DENND1B: variants seen among roughly 807,000 people sequenced by gnomAD.
DENND1B encodes the protein DENN domain containing 1B.
A neutral mutation model predicts 90.1 loss-of-function variants in DENND1B; 59 were observed. That is an observed-to-expected ratio of 0.65 (90% confidence interval 0.53 to 0.81). The LOEUF (loss-of-function observed/expected upper bound fraction) is 0.81, where lower values mean the gene tolerates loss of function less well. Among genes scored for constraint, DENND1B ranks in the 40% least tolerant of loss-of-function variants. The pLI is 0.00. For synonymous variants in DENND1B, 337 were observed against 324.6 expected (o/e 1.04, Z -0.41); for missense variants, 862 against 912.6 (o/e 0.94, Z 0.71).
At chr1:197,673,522 C>T (rs528425768) in intron 4 of DENND1B, among the ~76,000 whole-genome samples, 46 of 152,142 alleles carry the variant, frequency 3.0e-4, no homozygotes, top group African/African-American at 9.4e-4. Context: ...AAACAATAAA[C>T]GATCTGTTGT....
rs1667849671 is a variant in DENND1B, at chr1:197,508,880, A to C, written c.*1580T>G. The C allele has an allele frequency of 6.6e-6, 1 of 151,732 alleles. No individual in the cohort carries two copies. The highest frequency in any genetic ancestry group is 2.4e-5 in the African/African-American group (1 of 41,356). The allele number at this position is 151,732 out of a possible 1,614,324, so 9.4% of individuals were successfully genotyped here. A position where few individuals can be genotyped will look rare whatever the true frequency, so the allele number is the denominator to read the frequency against. ...CTTCTCAGATGAATTCCAAAGCTCA[A>C]CAGTGAATTTGAGAAAGAAGAAACA... On this transcript the variant is annotated 3_prime_UTR_variant, in exon 23 of 23. Transcript: ENST00000620048.
At chr1:197,772,775 T>A in intron 2 of DENND1B, 93 bp downstream of exon 2, 1 of 1,121,188 alleles carries the variant, frequency 8.9e-7, no homozygotes, top group Non-Finnish European at 1.3e-6. Context: ...TGGTGAGCCC[T>A]GATCATGCCA....
intron 15 of DENND1B, among the ~76,000 whole-genome samples, chr1:197,559,524 C>T (rs1027438181): frequency 1.3e-5 from 2 of 151,882 alleles, no homozygotes; most frequent in Non-Finnish European, 2.9e-5. Context: ...ATTTATCTCA[C>T]ATTAGAAACC....
intron 2 of DENND1B, among the ~76,000 whole-genome samples, chr1:197,739,453 C>T (rs1046575436): frequency 4.6e-5 from 7 of 152,170 alleles, no homozygotes; most frequent in Admixed American, 2.0e-4. Flanking sequence ...TCTGGAATTA[C>T]ATTATCAAAA....
At chr1:197,647,891 G>A (rs1286565038) in intron 7 of DENND1B, among the ~76,000 whole-genome samples, 1 of 149,586 alleles carries the variant, frequency 6.7e-6, no homozygotes, top group Non-Finnish European at 1.5e-5. Flanking sequence ...AGTTTGCACT[G>A]AGCTGAGATC....
intron 2 of DENND1B, among the ~76,000 whole-genome samples, chr1:197,739,548 A>G (rs1663021306): frequency 6.6e-6 from 1 of 152,258 alleles, no homozygotes; most frequent in Admixed American, 6.5e-5. Flanking sequence ...CAAAGAAGAA[A>G]TCAAAAGGAA....
intron 2 of DENND1B, among the ~76,000 whole-genome samples, chr1:197,760,473 A>G (rs1363009907): frequency 6.6e-6 from 1 of 151,910 alleles, no homozygotes; most frequent in Non-Finnish European, 1.5e-5. Context: ...AAAATAGCAA[A>G]GCCCCATCTC....
intron 18 of DENND1B, among the ~76,000 whole-genome samples, chr1:197,542,144 T>C (rs1670378917): frequency 1.3e-5 from 2 of 152,184 alleles, no homozygotes; most frequent in South Asian, 2.1e-4. Context: ...ATGGCTTTGG[T>C]AATAATTTAA....
At position 197,734,035 on chromosome 1, in the gene DENND1B, G is replaced by A. The variant is rs1009384673; in HGVS notation, c.83-18961C>T. The A allele has an allele frequency of 2.2e-5, 20 of 889,996 alleles. No individual in the cohort carries two copies. In the African/African-American group the frequency reaches 3.1e-4, roughly 14 times the overall value. The allele number at this position is 889,996 out of a possible 1,614,324, so 55.1% of individuals were successfully genotyped here. ...TACAAGAAATTATATTTTATTTGCA[G>A]TATTTACATTAAATATTTATCATTA... On this transcript the variant is annotated intron_variant, in intron 2 of 22. Coordinates refer to ENST00000620048, the MANE Select transcript of DENND1B (RefSeq NM_001195215.2).
chr1:197,780,914 A>G, the DENND1B span, among the ~76,000 whole-genome samples: 1 of 152,240 alleles, frequency 6.6e-6, no homozygotes, highest in South Asian at 2.1e-4. Flanking sequence ...ACCCAAGTTC[A>G]GGGCTTTTAG....
chr1:197,594,036 T>G (rs1318107776), intron 14 of DENND1B, among the ~76,000 whole-genome samples: 1 of 152,150 alleles, frequency 6.6e-6, no homozygotes, highest in Non-Finnish European at 1.5e-5. Context: ...GAACAACTTT[T>G]TAAGACTCCC....
intron 14 of DENND1B, among the ~76,000 whole-genome samples, chr1:197,590,042 A>C (rs1212103661): frequency 1.3e-5 from 2 of 152,110 alleles, no homozygotes; most frequent in Non-Finnish European, 2.9e-5. Flanking sequence ...ATAACTAAAG[A>C]CCATTTCTTA....
At chr1:197,556,339 A>T (rs1671715440) in intron 15 of DENND1B, among the ~76,000 whole-genome samples, 1 of 152,006 alleles carries the variant, frequency 6.6e-6, no homozygotes, top group Non-Finnish European at 1.5e-5. Context: ...CTACATATGT[A>T]CCTCTGAGTC....
Position 197,775,345 on chromosome 1 carries a change from C to G in DENND1B, c.-190G>C. On this transcript the variant is annotated 5_prime_UTR_variant, in exon 1 of 23. Coordinates refer to ENST00000620048, the MANE Select transcript of DENND1B (RefSeq NM_001195215.2). Reference sequence around the variant, plus strand: ...CCCGGCACTTCCCCGCCTCCCACCCCACCCACCAGAGCCTTTCTGTGACAG... The same window carrying G: ...CCCGGCACTTCCCCGCCTCCCACCCGACCCACCAGAGCCTTTCTGTGACAG... 2.8e-6 allele frequency: 1 copy of G among 361,336 alleles called. No individual in the cohort carries two copies. The highest frequency in any genetic ancestry group is 4.9e-6 in the Non-Finnish European group (1 of 204,792). 22.4% of individuals were successfully genotyped at this position (361,336 alleles called of 1,614,324 possible). A position where few individuals can be genotyped will look rare whatever the true frequency, so the allele number is the denominator to read the frequency against.
chr1:197,639,456 C>T (rs1294707865), intron 10 of DENND1B, among the ~76,000 whole-genome samples: 1 of 152,156 alleles, frequency 6.6e-6, no homozygotes, highest in Non-Finnish European at 1.5e-5. Flanking sequence ...CTAAAACCTA[C>T]AGCAAGCTGT....
At chr1:197,611,848 T>C (rs1165514735) in intron 12 of DENND1B, 83 bp downstream of exon 12, 2 of 1,219,574 alleles carry the variant, frequency 1.6e-6, no homozygotes, top group South Asian at 1.3e-5. Flanking sequence ...CCTATACCAC[T>C]GATATTTCTT....
intron 15 of DENND1B, among the ~76,000 whole-genome samples, chr1:197,567,159 A>C (rs1185261675): frequency 6.6e-6 from 1 of 152,100 alleles, no homozygotes. Flanking sequence ...CAAATAAGTA[A>C]AATTGGAAAT....
At chr1:197,748,901 T>C (rs555789103) in intron 2 of DENND1B, among the ~76,000 whole-genome samples, 19 of 152,134 alleles carry the variant, frequency 1.2e-4, no homozygotes, top group East Asian at 1.9e-4. Flanking sequence ...AAGGAAAAGA[T>C]AGAATGAATT....
chr1:197,631,036 T>G (rs772883948), intron 10 of DENND1B, among the ~76,000 whole-genome samples: 10 of 152,142 alleles, frequency 6.6e-5, no homozygotes, highest in Non-Finnish European at 1.3e-4. Context: ...ATCACTAAAT[T>G]TACTCCTTTC....
Sources: gnomAD v4.1 joint callset for allele counts (sites outside exome capture counted in the v4.1 genomes callset) on GRCh38, gnomAD v4.1.1 for gene constraint, MANE v1.5 for transcripts, NCBI Gene and HGNC (gene_info 2026-07-23, HGNC 2026-07-21) for gene names.